DLG2: variants seen among roughly 807,000 people sequenced by gnomAD.
The protein encoded by DLG2 is discs large MAGUK scaffold protein 2.
Under a neutral mutation model 132.5 loss-of-function variants are expected in DLG2, and 45 were observed. The observed-to-expected ratio is 0.34, with a 90% confidence interval of 0.27 to 0.44. The LOEUF (loss-of-function observed/expected upper bound fraction) is 0.44. DLG2 is among the 20% of genes least tolerant of loss of function. DLG2 has a pLI of 1.00. For synonymous variants in DLG2, 424 were observed against 419.6 expected (o/e 1.01, Z -0.13); for missense variants, 1,045 against 1,196.9 (o/e 0.87, Z 1.87).
chr11:85,428,154 T>C (rs2090908068), intron 3 of DLG2, among the ~76,000 whole-genome samples: 1 of 152,144 alleles, frequency 6.6e-6, no homozygotes, highest in African/African-American at 2.4e-5. Flanking sequence ...AAAAAGAGAC[T>C]TAGACTCCCA....
At chr11:84,526,154 T>C (rs556965682) in intron 7 of DLG2, among the ~76,000 whole-genome samples, 15 of 152,336 alleles carry the variant, frequency 9.8e-5, no homozygotes, top group African/African-American at 2.9e-4. Context: ...GGAAATACTT[T>C]GTACTAATCA....
At chr11:83,472,995 T>C (rs1181888590) in intron 22 of DLG2, among the ~76,000 whole-genome samples, 1 of 152,138 alleles carries the variant, frequency 6.6e-6, no homozygotes, top group East Asian at 1.9e-4. Context: ...AACTGGTTGC[T>C]AGCTATTTGC....
chr11:84,552,857 C>G (rs1201673737), intron 6 of DLG2, among the ~76,000 whole-genome samples: 1 of 152,156 alleles, frequency 6.6e-6, no homozygotes, highest in Non-Finnish European at 1.5e-5. Context: ...TCACTCACCC[C>G]TTTAAAACCC....
intron 6 of DLG2, among the ~76,000 whole-genome samples, chr11:84,719,059 T>C (rs1352193798): frequency 6.6e-6 from 1 of 152,188 alleles, no homozygotes; most frequent in Non-Finnish European, 1.5e-5. Flanking sequence ...GATAATCTCA[T>C]CCACAGTCCT....
chr11:84,986,300 T>G (rs1436023158), intron 6 of DLG2, among the ~76,000 whole-genome samples: 1 of 151,966 alleles, frequency 6.6e-6, no homozygotes, highest in East Asian at 1.9e-4. Flanking sequence ...GAGATTGAAA[T>G]GGTAATTTAA....
intron 5 of DLG2, among the ~76,000 whole-genome samples, chr11:85,116,385 T>C (rs2073580862): frequency 6.6e-6 from 1 of 151,922 alleles, no homozygotes; most frequent in Admixed American, 6.6e-5. Context: ...ATTTCATATA[T>C]TTCTAAATAT....
At chr11:84,008,326 G>A (rs774091207) in intron 11 of DLG2, among the ~76,000 whole-genome samples, 1 of 151,814 alleles carries the variant, frequency 6.6e-6, no homozygotes, top group Admixed American at 6.6e-5. Flanking sequence ...GTTTCATATG[G>A]ACATAAATAC....
At chr11:85,195,829 A>C (rs2081025225) in intron 4 of DLG2, among the ~76,000 whole-genome samples, 1 of 152,148 alleles carries the variant, frequency 6.6e-6, no homozygotes, top group Non-Finnish European at 1.5e-5. Flanking sequence ...CCCGGCCGAC[A>C]GTGTTTTAAA....
At chr11:83,712,084 T>C (rs563636885) in intron 18 of DLG2, among the ~76,000 whole-genome samples, 1 of 152,202 alleles carries the variant, frequency 6.6e-6, no homozygotes, top group South Asian at 2.1e-4. Context: ...GTCCAACCAT[T>C]GTGGAAGACA....
At position 83,890,867 on chromosome 11, in the gene DLG2, T is replaced by C. The variant is rs556126777; in HGVS notation, c.1497-16379A>G. ...AGCTAAGAATGGAATCTGCAGGATATGGCAATTGCATGTGGTGTGTGAGTG... is the reference window on the plus strand; with the variant it reads ...AGCTAAGAATGGAATCTGCAGGATACGGCAATTGCATGTGGTGTGTGAGTG... On this transcript the variant is annotated intron_variant, in intron 15 of 27. Coordinates refer to ENST00000376104, the MANE Select transcript of DLG2 (RefSeq NM_001142699.3). 2.6e-5 allele frequency among the ~76,000 whole-genome samples: 4 copies of C among 152,228 alleles called. No individual in the cohort carries two copies. The East Asian group carries it at 5.8e-4, about 22-fold the overall frequency.
At chr11:84,657,368 C>G (rs1300663896) in intron 6 of DLG2, among the ~76,000 whole-genome samples, 1 of 152,056 alleles carries the variant, frequency 6.6e-6, no homozygotes, top group Non-Finnish European at 1.5e-5. Flanking sequence ...TAGAAAAGAG[C>G]AAAGAGCCAT....
At chr11:85,273,674 A>C (rs2077694568) in intron 4 of DLG2, among the ~76,000 whole-genome samples, 1 of 152,244 alleles carries the variant, frequency 6.6e-6, no homozygotes, top group Admixed American at 6.5e-5. Context: ...AAACTAGTTC[A>C]ACCATTGTGG....
intron 6 of DLG2, among the ~76,000 whole-genome samples, chr11:84,811,122 A>T (rs2076513363): frequency 6.6e-6 from 1 of 152,182 alleles, no homozygotes; most frequent in Admixed American, 6.5e-5. Context: ...CTGCATGTGA[A>T]TGTATAGGTA....
At chr11:84,486,421 G>C (rs748012140) in intron 7 of DLG2, among the ~76,000 whole-genome samples, 3 of 152,050 alleles carry the variant, frequency 2.0e-5, no homozygotes, top group African/African-American at 4.8e-5. Context: ...TCTTTGAGCT[G>C]ACCACCTAGG....
intron 9 of DLG2, among the ~76,000 whole-genome samples, chr11:84,158,862 A>C (rs1056999156): frequency 2.0e-5 from 3 of 152,226 alleles, no homozygotes; most frequent in African/African-American, 7.2e-5. Flanking sequence ...TTCTTGTGAG[A>C]ACTACCATGT....
chr11:84,008,196 A>T (rs190219572), intron 11 of DLG2, among the ~76,000 whole-genome samples: 2 of 151,938 alleles, frequency 1.3e-5, no homozygotes, highest in East Asian at 3.9e-4. Flanking sequence ...CATGAAATAA[A>T]ATGAGACAAA....
rs375488007 is a variant in DLG2 at position 83,988,505 on chromosome 11, A to G, written c.920-7863T>C. On this transcript the variant is annotated intron_variant, in intron 11 of 27. Transcript: ENST00000376104. ...GAATGTATAAATTACTTTGGGCAGT[A>G]TGGCCATTTTCATGATACTGATTCT... Among the ~76,000 whole-genome samples the G allele has an allele frequency of 4.3e-4, 66 of 152,266 alleles. 2 individuals are homozygous for G. The South Asian group carries it at 6.8e-3, about 16-fold the overall frequency.
intron 6 of DLG2, among the ~76,000 whole-genome samples, chr11:85,041,276 A>T (rs537086909): frequency 1.3e-5 from 2 of 152,090 alleles, no homozygotes; most frequent in South Asian, 4.1e-4. Context: ...GTGGCAACTG[A>T]TTAGATTTTA....
intron 7 of DLG2, among the ~76,000 whole-genome samples, chr11:84,357,218 G>A (rs6592178): frequency 0.052 from 7,950 of 152,120 alleles, 695 homozygotes; most frequent in African/African-American, 0.18. Flanking sequence ...CAGAGGGATA[G>A]AAGACATAGG....
Sources: gnomAD v4.1 joint callset for allele counts (sites outside exome capture counted in the v4.1 genomes callset) on GRCh38, gnomAD v4.1.1 for gene constraint, MANE v1.5 for transcripts, NCBI Gene and HGNC (gene_info 2026-07-23, HGNC 2026-07-21) for gene names.